SCAP: variants seen among roughly 807,000 people sequenced by gnomAD.
SCAP encodes SREBF chaperone, also known as sterol regulatory element-binding protein cleavage-activating protein.
Under a neutral mutation model 123.6 loss-of-function variants are expected in SCAP, and 65 were observed. The observed-to-expected ratio is 0.53, with a 90% CI of 0.43 to 0.65. The LOEUF is 0.65. Among genes scored for constraint, SCAP ranks in the 30% least tolerant of loss-of-function variants. The pLI is 0.00. For missense variants in SCAP, 1,398 were observed against 1,712.5 expected (o/e 0.82, Z 3.24); for synonymous variants, 740 against 726.3 (o/e 1.02, Z -0.30).
chr3:47,419,835 C>T lies in SCAP; in HGVS notation c.1564-131G>A, dbSNP rs546964056. ...TGGAGAGAGGACACAGGCCCCACTGCGTCCTTTTCTCCTGCCTCTCCAAGT... is the reference window on the plus strand; with the variant it reads ...TGGAGAGAGGACACAGGCCCCACTGTGTCCTTTTCTCCTGCCTCTCCAAGT... On this transcript the variant is annotated intron_variant, in intron 12 of 22. Coordinates refer to ENST00000265565, the MANE Select transcript of SCAP (RefSeq NM_012235.4). The surrounding 1 kb of genome is among the most constrained non-coding windows in gnomAD (Gnocchi z 5.0). The T allele has an allele frequency of 6.4e-5, 68 of 1,061,182 alleles. 1 individual carries two copies. Among genetic ancestry groups the T allele is most frequent in the African/African-American group, 6.0e-4 (37 of 62,032 alleles). The allele number at this position is 1,061,182 out of a possible 1,614,324, so 65.7% of individuals were successfully genotyped here.
chr3:47,428,905 A>G, intron 3 of SCAP: 1 of 462,538 alleles, frequency 2.2e-6, no homozygotes, highest in Middle Eastern at 5.9e-4. Flanking sequence ...ATAAGCTGGA[A>G]CCAAGATGGC....
chr3:47,435,166 T>TA, intron 2 of SCAP, 29 bp from the exon 3 acceptor site: 1 of 1,599,374 alleles, frequency 6.3e-7, no homozygotes, highest in South Asian at 1.1e-5. Flanking sequence ...AGATAAGAAT[T>TA]AGACACTATG....
chr3:47,417,993 G>T, intron 16 of SCAP, 141 bp downstream of exon 16: 1 of 567,190 alleles, frequency 1.8e-6, no homozygotes, highest in Admixed American at 2.3e-5. Flanking sequence ...TGGTGGGAGG[G>T]GGTGCGGGGG....
chr3:47,442,989 G>T lies in SCAP; in HGVS notation c.5C>A (p.Thr2Asn). Residue 2 changes from threonine to asparagine, a missense_variant, in exon 2 of 23, where the codon ACC (threonine) becomes AAC (asparagine). Thr to Asn is a moderately conservative substitution (Grantham distance 65, BLOSUM62 0). Coordinates refer to ENST00000265565, the MANE Select transcript of SCAP (RefSeq NM_012235.4). M[T>N]LTERLREKIS... ...CTTCTCACGCAGCCTTTCAGTCAGG[G>T]TCATCCTCAGCCGAAGTCACCTTGC... 6.2e-7 allele frequency: 1 copy of T among 1,613,644 alleles called. No homozygotes were observed.
intron 5 of SCAP, 56 bp downstream of exon 5, chr3:47,427,391 A>T: frequency 6.3e-7 from 1 of 1,581,626 alleles, no homozygotes; most frequent in Non-Finnish European, 8.7e-7. Context: ...CACATCAAAA[A>T]GACGGTGACC....
intron 1 of SCAP, among the ~76,000 whole-genome samples, chr3:47,462,749 G>A (rs1166413307): frequency 1.7e-4 from 17 of 102,804 alleles, no homozygotes; most frequent in Admixed American, 3.8e-4. Context: ...GCGAAACTCC[G>A]TCTCAAAAAA....
chr3:47,432,706 C>T lies in SCAP; in HGVS notation c.252+2302G>A, dbSNP rs141535771. The stretch of plus-strand genomic sequence containing the variant: ...TTTTTTATTTTTTTAGAGACAAGGT[C>T]TCACTCTATTGCCCCAGCTGGACTG... On this transcript the variant is annotated intron_variant, in intron 3 of 22. Coordinates refer to ENST00000265565, the MANE Select transcript of SCAP (RefSeq NM_012235.4). Among the ~76,000 whole-genome samples, 320 of 152,168 alleles carry T rather than the reference C, an allele frequency of 2.1e-3. 4 individuals carry two copies. The highest frequency in any genetic ancestry group is 0.01 in the Middle Eastern group (3 of 294).
Position 47,428,522 on chromosome 3 carries a change from A to C in SCAP, c.401T>G (p.Leu134Arg). 3 of 1,614,174 alleles carry C rather than the reference A, an allele frequency of 1.9e-6. No individual in the cohort carries two copies. Among genetic ancestry groups the C allele is most frequent in the Non-Finnish European group, 2.5e-6 (3 of 1,180,008 alleles). ...QLVEEIRNHV[L>R]RDSSGIRSLE... ...TCCCTGAGAGGGGTACCTGTCTCTC[A>C]GCACGTGGTTCCGGATCTCCTCCAC... Residue 134 changes from leucine to arginine, a missense_variant, in exon 4 of 23, where the codon CTG (leucine) becomes CGG (arginine). Physicochemically the swap from Leu to Arg is moderately radical, Grantham distance 102 (BLOSUM62 -2). This residue lies in a region of SCAP where 319 missense variants were observed against 432.4 expected (regional missense o/e 0.74). Transcript: ENST00000265565.
chr3:47,435,465 A>AACACACACAC (rs749684765), intron 2 of SCAP, among the ~76,000 whole-genome samples: 20 of 121,476 alleles, frequency 1.6e-4, no homozygotes, highest in South Asian at 2.5e-4. Context: ...ATATAATATA[A>AACACACACAC]ACATACACAC....
At chr3:47,428,257 G>A (rs1258318548) in intron 4 of SCAP, among the ~76,000 whole-genome samples, 1 of 152,088 alleles carries the variant, frequency 6.6e-6, no homozygotes, top group Non-Finnish European at 1.5e-5. Flanking sequence ...AGTTAGCACA[G>A]TGGACACTGA....
intron 6 of SCAP, among the ~76,000 whole-genome samples, chr3:47,426,949 C>G (rs758380109): frequency 2.0e-5 from 3 of 152,144 alleles, no homozygotes; most frequent in Non-Finnish European, 2.9e-5. Flanking sequence ...CCTTAGTCCC[C>G]TATGCTTAAC....
rs1169935544 is a variant in SCAP at position 47,466,136 on chromosome 3, C to CAA, written c.-99+9661_-99+9662dup. ...AACAGAGTGAGACTGTCTTAAAAAC[C>CAA]AAAAAAAAAAAAAAAAAAAAAGAAA... On this transcript the variant is annotated intron_variant, in intron 1 of 22. Transcript: ENST00000265565. Among the ~76,000 whole-genome samples the CAA allele has an allele frequency of 1.8e-3, 173 of 96,110 alleles. 2 individuals carry two copies. The highest frequency in any genetic ancestry group is 6.6e-3 in the African/African-American group (153 of 23,262). The allele number at this position is 96,110 out of a possible 152,430, so 63.1% of individuals were successfully genotyped here.
chr3:47,440,556 T>C (rs905440063), intron 2 of SCAP, among the ~76,000 whole-genome samples: 3 of 151,568 alleles, frequency 2.0e-5, no homozygotes, highest in Non-Finnish European at 4.4e-5. Flanking sequence ...TTTGGGAAAA[T>C]AAGTACACAG....
chr3:47,431,882 AT>A (rs1291657677), intron 3 of SCAP, among the ~76,000 whole-genome samples: 1 of 152,080 alleles, frequency 6.6e-6, no homozygotes, highest in African/African-American at 2.4e-5. Context: ...ATTACTTAGA[AT>A]TTTTTTGCCC....
chr3:47,447,587 C>T lies in SCAP; in HGVS notation c.-98-4496G>A, dbSNP rs982506291. Among the ~76,000 whole-genome samples, 89 of 151,498 alleles carry T rather than the reference C, an allele frequency of 5.9e-4. 1 individual carries two copies. The highest frequency in any genetic ancestry group is 2.0e-3 in the African/African-American group (81 of 41,246). ...CCTGTAATACCAGCTACTTGGGAGG[C>T]GGAGACAGGAGAATTGCTTAAACCC... On this transcript the variant is annotated intron_variant, in intron 1 of 22. Transcript: ENST00000265565.
chr3:47,421,612 C>G (rs575950563), intron 10 of SCAP, among the ~76,000 whole-genome samples: 2 of 152,256 alleles, frequency 1.3e-5, no homozygotes, highest in African/African-American at 2.4e-5. Context: ...AGTGCTACTC[C>G]GATCTGGGGT....
At chr3:47,476,498 T>G (rs1708275777), upstream of SCAP, among the ~76,000 whole-genome samples, 1 of 152,212 alleles carries the variant, frequency 6.6e-6, no homozygotes, top group South Asian at 2.1e-4. Flanking sequence ...CGAGATACAC[T>G]GCAAATGCAG....
intron 3 of SCAP, among the ~76,000 whole-genome samples, chr3:47,432,371 T>C (rs1332311261): frequency 1.3e-5 from 2 of 148,358 alleles, no homozygotes; most frequent in Non-Finnish European, 3.0e-5. Flanking sequence ...AAAAAATTGC[T>C]CTAGCACTGA....
chr3:47,413,869 C>T lies in SCAP; in HGVS notation c.3825G>A (p.Leu1275=), dbSNP rs962282842. 4.3e-6 allele frequency: 7 copies of T among 1,612,826 alleles called. No individual in the cohort carries two copies. The African/African-American group carries it at 9.3e-5, about 22-fold the overall frequency. ...ELSLVYVPSV[L]EKLD ...GGCCCTGCGCTCAGTCCAGCTTCTC[C>T]AGCACAGAGGGCACATACACCAGGC... Residue 1275 remains leucine, a synonymous_variant, in exon 23 of 23, where the codon CTG becomes CTA. Transcript: ENST00000265565.
Sources: allele counts gnomAD v4.1 joint callset (sites outside exome capture counted in the v4.1 genomes callset), GRCh38; gene constraint gnomAD v4.1.1; regional missense constraint gnomAD v4.1.1; non-coding constraint Gnocchi (gnomAD v3.1); transcripts MANE v1.5; gene names NCBI Gene and HGNC (gene_info 2026-07-23, HGNC 2026-07-21).